ALX4: variants seen among roughly 807,000 people sequenced by gnomAD.
ALX4 encodes ALX homeobox 4.
ALX4 carries 22 observed loss-of-function variants against 40.6 expected under a neutral mutation model. The ratio of observed to expected loss-of-function variants is 0.54; its 90% CI spans 0.39 to 0.77. The LOEUF (loss-of-function observed/expected upper bound fraction) is 0.77, where lower values mean the gene tolerates loss of function less well. Among genes scored for constraint, ALX4 ranks in the 30% least tolerant of loss-of-function variants. The probability of loss-of-function intolerance (pLI) is 0.00; values close to 1 mark genes in which losing one functional copy is unlikely to be tolerated. For synonymous variants in ALX4, 266 were observed against 240.5 expected, an observed-to-expected ratio of 1.11 and a Z score of -0.98; for missense variants, 556 against 564.8, an observed-to-expected ratio of 0.98 and a Z score of 0.16.
intron 1 of ALX4, among the ~76,000 whole-genome samples, chr11:44,276,479 GCACATTCCTAGCTCAGGA>G (rs1328741755): frequency 6.6e-6 from 1 of 152,182 alleles, no homozygotes; most frequent in East Asian, 1.9e-4. Context: ...CCACCCACCG[GCACATTCCTAGCTCAGGA>G]CTGCAAGGAC....
intron 1 of ALX4, among the ~76,000 whole-genome samples, chr11:44,308,953 C>T (rs1956485824): frequency 6.6e-6 from 1 of 152,256 alleles, no homozygotes; most frequent in African/African-American, 2.4e-5. Flanking sequence ...CGGGTCTTGC[C>T]AGACCACAGT....
At chr11:44,289,996 C>A (rs747183885) in intron 1 of ALX4, among the ~76,000 whole-genome samples, 54 of 152,230 alleles carry the variant, frequency 3.5e-4, no homozygotes, top group Admixed American at 3.9e-4. Flanking sequence ...CCTCCCTTCA[C>A]AGCCAAGATG....
intron 1 of ALX4, among the ~76,000 whole-genome samples, chr11:44,278,644 G>A (rs1223060906): frequency 6.6e-6 from 1 of 152,190 alleles, no homozygotes; most frequent in East Asian, 1.9e-4. Flanking sequence ...GATAGAGGTG[G>A]CACAGGGTGT....
At chr11:44,269,580 G>A (rs1330086682) in intron 2 of ALX4, among the ~76,000 whole-genome samples, 3 of 152,230 alleles carry the variant, frequency 2.0e-5, no homozygotes, top group South Asian at 4.1e-4. Flanking sequence ...ATTGACTGGG[G>A]GAGGAGAAGC....
Position 44,309,737 on chromosome 11 carries a change from T to C in ALX4, c.326A>G (p.Gln109Arg). ...PQPPPQPQPQQQQPQPQPPAQ... is the reference protein window; with the variant it reads ...PQPPPQPQPQRQQPQPQPPAQ... ...GGGCGGCTGGGGCTGCGGCTGCTGC[T>C]GCTGCGGCTGCGGCTGCGGCGGCGG... The change falls in exon 1 of 4, where the codon CAG (glutamine) becomes CGG (arginine). Residue 109 changes from glutamine to arginine, a missense_variant. By Grantham distance (43) the Gln-to-Arg change is conservative. Transcript: ENST00000652299. 1.9e-6 allele frequency: 3 copies of C among 1,555,108 alleles called. No individual in the cohort carries two copies. The highest frequency in any genetic ancestry group is 1.7e-6 in the Non-Finnish European group (2 of 1,150,570).
rs143415432 is a variant in ALX4, at chr11:44,278,119, G to A, written c.467-2461C>T. ...AGGGGCTGAGGGAGGTGAGCACTGA[G>A]CCCTGAGCTCTGATCCCCAGGCCCC... On this transcript the variant is annotated intron_variant, in intron 1 of 3. Coordinates refer to ENST00000652299, the MANE Select transcript of ALX4 (RefSeq NM_021926.4). 2.4e-4 allele frequency among the ~76,000 whole-genome samples: 37 copies of A among 151,826 alleles called. 1 individual carries two copies. In the East Asian group the frequency reaches 5.6e-3, roughly 23 times the overall value.
chr11:44,305,921 T>C (rs1007579640), intron 1 of ALX4, among the ~76,000 whole-genome samples: 2 of 152,242 alleles, frequency 1.3e-5, no homozygotes, highest in African/African-American at 4.8e-5. Flanking sequence ...CTAGGACCAG[T>C]ACGCGCCGGC....
chr11:44,281,878 A>G (rs1324438912), intron 1 of ALX4, among the ~76,000 whole-genome samples: 1 of 152,208 alleles, frequency 6.6e-6, no homozygotes, highest in Non-Finnish European at 1.5e-5. Context: ...AGAGACAGAC[A>G]GTGTCCCGGC....
intron 1 of ALX4, among the ~76,000 whole-genome samples, chr11:44,309,154 T>C (rs1295204629): frequency 2.7e-5 from 3 of 109,584 alleles, no homozygotes; most frequent in African/African-American, 3.2e-5. Context: ...AGTCCTGCTG[T>C]CCCGCAGCCC....
Position 44,267,437 on chromosome 11 carries a change from C to A in ALX4, c.906+57G>T, listed in dbSNP as rs562619210. On this transcript the variant is annotated intron_variant, in intron 3 of 3. Coordinates refer to ENST00000652299, the MANE Select transcript of ALX4 (RefSeq NM_021926.4). The stretch of plus-strand genomic sequence containing the variant: ...TGCCTGGGCTCTCCTCCAAGGGGCT[C>A]ATTCTCAGAGCACCAGGGGCTGGGG... The A allele has an allele frequency of 2.5e-4, 404 of 1,607,202 alleles. 1 individual carries two copies. The African/African-American group carries it at 4.6e-3, about 18-fold the overall frequency.
At position 44,309,693 on chromosome 11, in the gene ALX4, A is replaced by G. The variant is rs1332078536; in HGVS notation, c.370T>C (p.Leu124=). The change falls in exon 1 of 4, where the codon TTG becomes CTG. Residue 124 remains leucine (L), a synonymous_variant. Coordinates refer to ENST00000652299, the MANE Select transcript of ALX4 (RefSeq NM_021926.4). ...PQPPAQPHLY[L]QRGACKTPPD... ...GGCGTCTTGCAGGCGCCTCGCTGCAAGTAAAGATGCGGTTGCGCGGGCGGC... is the reference window on the plus strand; with the variant it reads ...GGCGTCTTGCAGGCGCCTCGCTGCAGGTAAAGATGCGGTTGCGCGGGCGGC... 6.3e-7 allele frequency: 1 copy of G among 1,590,220 alleles called. No homozygotes were observed.
rs528838548 is a variant in ALX4, at chr11:44,308,345, C to G, written c.466+1252G>C. Reference sequence around the variant, plus strand: ...CATCGGCTGTTTTCCCAAAGTTATTCTAGCCACCAAGGCCTCCGCCGTGTC... The same window carrying G: ...CATCGGCTGTTTTCCCAAAGTTATTGTAGCCACCAAGGCCTCCGCCGTGTC... On this transcript the variant is annotated intron_variant, in intron 1 of 3. Coordinates refer to ENST00000652299, the MANE Select transcript of ALX4 (RefSeq NM_021926.4). Among the ~76,000 whole-genome samples the G allele has an allele frequency of 3.3e-5, 5 of 152,354 alleles. No homozygotes were observed. In the East Asian group the frequency reaches 7.7e-4, roughly 24 times the overall value.
intron 2 of ALX4, among the ~76,000 whole-genome samples, chr11:44,267,893 A>ATTTTTTTTTTTTTTTTTTTTTTTTTTTT: frequency 6.6e-6 from 1 of 152,234 alleles, no homozygotes; most frequent in Non-Finnish European, 1.5e-5. Flanking sequence ...TTGAGAATCT[A>ATTTTTTTTTTTTTTTTTTTTTTTTTTTT]GAGCAGCCAA....
chr11:44,301,099 C>T (rs114862154), intron 1 of ALX4, among the ~76,000 whole-genome samples: 156 of 152,348 alleles, frequency 1.0e-3, no homozygotes, highest in African/African-American at 3.4e-3. Flanking sequence ...CCCAGAATAC[C>T]CCACAAGGCT....
At chr11:44,304,325 G>A (rs1400784798) in intron 1 of ALX4, among the ~76,000 whole-genome samples, 1 of 152,246 alleles carries the variant, frequency 6.6e-6, no homozygotes, top group African/African-American at 2.4e-5. Context: ...CGTTGCCTGG[G>A]CCTAGGTCCT....
chr11:44,274,782 G>A (rs1013617263), intron 2 of ALX4, among the ~76,000 whole-genome samples: 5 of 152,208 alleles, frequency 3.3e-5, no homozygotes, highest in Non-Finnish European at 7.3e-5. Flanking sequence ...GGGTGTTTTG[G>A]TTGTTGGCTG....
At position 44,263,139 on chromosome 11, in the gene ALX4, C is replaced by T. The variant is rs574449963; in HGVS notation, c.*1715G>A. The T allele has an allele frequency of 6.6e-6, 1 of 152,354 alleles. No individual in the cohort carries two copies. The highest frequency in any genetic ancestry group is 1.9e-4 in the East Asian group (1 of 5,180). The allele number at this position is 152,354 out of a possible 1,614,324, so 9.4% of individuals were successfully genotyped here. On this transcript the variant is annotated 3_prime_UTR_variant, in exon 4 of 4. Coordinates refer to ENST00000652299, the MANE Select transcript of ALX4 (RefSeq NM_021926.4). ...AACCCCAGAGACCCTCATTCAACAA[C>T]ACCAAGTTTACCCTCCGCCCAACCC...
intron 1 of ALX4, among the ~76,000 whole-genome samples, chr11:44,307,811 CGGAGCTGTGTGTGTCTGTGTGT>C (rs1956478076): frequency 4.6e-5 from 7 of 150,980 alleles, no homozygotes; most frequent in Non-Finnish European, 8.9e-5. Flanking sequence ...TGTCCATGTG[CGGAGCTGTGTGTGTCTGTGTGT>C]GGAGCTGTGT....
At chr11:44,276,960 A>G (rs1008499341) in intron 1 of ALX4, among the ~76,000 whole-genome samples, 4 of 152,116 alleles carry the variant, frequency 2.6e-5, no homozygotes, top group African/African-American at 9.7e-5. Context: ...GTACTGGTCC[A>G]CAGCCTGGGG....
Sources: gnomAD v4.1 joint callset for allele counts (sites outside exome capture counted in the v4.1 genomes callset) on GRCh38, gnomAD v4.1.1 for gene constraint, MANE v1.5 for transcripts, NCBI Gene and HGNC (gene_info 2026-07-23, HGNC 2026-07-21) for gene names.